Variants in PCDH15 observed in about 807,000 individuals in gnomAD.
The protein encoded by PCDH15 is protocadherin related 15, also known as protocadherin-15.
PCDH15 carries 129 observed loss-of-function variants against 178.5 expected under a neutral mutation model. The observed-to-expected ratio is 0.72, with a 90% confidence interval of 0.63 to 0.84. PCDH15 has a LOEUF of 0.84. PCDH15 is among the 40% of genes least tolerant of loss of function. The pLI is 0.00. For missense variants in PCDH15, 2,230 were observed against 2,099.9 expected (o/e 1.06, Z -1.21); for synonymous variants, 800 against 732.0 (o/e 1.09, Z -1.50).
At chr10:53,823,437 C>A (rs764907011) in intron 32 of PCDH15, 2 of 1,300,758 alleles carry the variant, frequency 1.5e-6, no homozygotes, top group Non-Finnish European at 1.1e-6. Context: ...TTTTATGGCT[C>A]TCATTACTAT....
intron 2 of PCDH15, among the ~76,000 whole-genome samples, chr10:55,090,770 T>C (rs1842297602): frequency 6.6e-6 from 1 of 152,118 alleles, no homozygotes; most frequent in African/African-American, 2.4e-5. Context: ...GTTATTTCTA[T>C]ATACTGCAGG....
chr10:54,112,407 G>A (rs1457891168), intron 15 of PCDH15, among the ~76,000 whole-genome samples: 2 of 151,960 alleles, frequency 1.3e-5, no homozygotes, highest in Admixed American at 6.6e-5. Context: ...TCCAGGTGGG[G>A]GGTGGGGGCA....
intron 1 of PCDH15, among the ~76,000 whole-genome samples, chr10:55,216,285 A>C (rs1264571052): frequency 6.6e-6 from 1 of 151,946 alleles, no homozygotes; most frequent in African/African-American, 2.4e-5. Flanking sequence ...ACTTAGGAAA[A>C]GTTTCCTAGT....
At chr10:53,884,196 G>A (rs565486739) in intron 26 of PCDH15, among the ~76,000 whole-genome samples, 2 of 152,266 alleles carry the variant, frequency 1.3e-5, no homozygotes, top group East Asian at 3.9e-4. Context: ...CTACTGGGGC[G>A]ATTAAATGCA....
intron 26 of PCDH15, among the ~76,000 whole-genome samples, chr10:53,884,949 G>A (rs1007735954): frequency 6.6e-6 from 1 of 152,062 alleles, no homozygotes; most frequent in Non-Finnish European, 1.5e-5. Context: ...CTCTCAGGAG[G>A]TGGCAGAAAA....
chr10:53,818,730 G>GTTAT (rs2132449692), intron 33 of PCDH15, among the ~76,000 whole-genome samples: 1 of 152,144 alleles, frequency 6.6e-6, no homozygotes, highest in East Asian at 1.9e-4. Flanking sequence ...TGTTCTATGT[G>GTTAT]TTATTTTTTA....
chr10:55,621,402 A>G (rs1042137105), intron 2 of PCDH15, among the ~76,000 whole-genome samples: 2 of 152,180 alleles, frequency 1.3e-5, no homozygotes, highest in African/African-American at 2.4e-5. Flanking sequence ...ACCCCAGAGC[A>G]GGGGTCCCCC....
At chr10:55,040,329 T>C (rs945820603) in intron 2 of PCDH15, among the ~76,000 whole-genome samples, 1 of 151,994 alleles carries the variant, frequency 6.6e-6, no homozygotes, top group Non-Finnish European at 1.5e-5. Context: ...GAAAGAATGG[T>C]GGGCACTCTC....
chr10:54,334,083 G>A (rs973799931), intron 6 of PCDH15, among the ~76,000 whole-genome samples: 2 of 152,034 alleles, frequency 1.3e-5, no homozygotes, highest in Non-Finnish European at 2.9e-5. Flanking sequence ...CTGACTACCT[G>A]CACTGTATTA....
At chr10:55,436,706 C>G (rs188397186) in intron 2 of PCDH15, among the ~76,000 whole-genome samples, 7 of 151,860 alleles carry the variant, frequency 4.6e-5, no homozygotes, top group African/African-American at 7.3e-5. Context: ...TGCAAATTTG[C>G]GTAAAGAGAA....
chr10:54,556,136 T>C (rs143077240), intron 2 of PCDH15, among the ~76,000 whole-genome samples: 2 of 152,352 alleles, frequency 1.3e-5, no homozygotes, highest in East Asian at 1.9e-4. Context: ...CCTGTTTTCC[T>C]GTGGTGCCAA....
At chr10:55,450,098 G>A (rs181359576) in intron 2 of PCDH15, among the ~76,000 whole-genome samples, 1 of 152,240 alleles carries the variant, frequency 6.6e-6, no homozygotes, top group East Asian at 1.9e-4. Flanking sequence ...ATATGCAATA[G>A]TGTTCTATAA....
chr10:54,920,791 G>A (rs1042863960), intron 2 of PCDH15, among the ~76,000 whole-genome samples: 6 of 152,110 alleles, frequency 3.9e-5, no homozygotes, highest in African/African-American at 1.4e-4. Context: ...AGTTGTACCA[G>A]AATGGAATAT....
chr10:54,754,030 G>A (rs1017777395), intron 1 of PCDH15, among the ~76,000 whole-genome samples: 2 of 149,934 alleles, frequency 1.3e-5, no homozygotes, highest in Non-Finnish European at 3.0e-5. Context: ...GGGTTTCACC[G>A]TGTTAGCCAG....
At chr10:55,327,801 G>A (rs1356139151) in intron 2 of PCDH15, among the ~76,000 whole-genome samples, 2 of 151,858 alleles carry the variant, frequency 1.3e-5, no homozygotes, top group Non-Finnish European at 2.9e-5. Flanking sequence ...TGAATACTAC[G>A]CTAAAAATAG....
chr10:54,706,449 A>G (rs1160636901), intron 1 of PCDH15, among the ~76,000 whole-genome samples: 2 of 152,158 alleles, frequency 1.3e-5, no homozygotes, highest in Non-Finnish European at 2.9e-5. Context: ...AAGAAATATG[A>G]CATGCAGAGA....
At chr10:55,507,656 T>A (rs1840788707) in intron 2 of PCDH15, among the ~76,000 whole-genome samples, 2 of 151,508 alleles carry the variant, frequency 1.3e-5, no homozygotes, top group Admixed American at 6.6e-5. Flanking sequence ...TCATATAGCA[T>A]AATTGGGAAA....
intron 1 of PCDH15, among the ~76,000 whole-genome samples, chr10:55,288,870 G>GAT (rs143549237): frequency 0.035 from 5,094 of 146,056 alleles, 130 homozygotes; most frequent in African/African-American, 0.061. Context: ...AATTCTATTA[G>GAT]ATATATATAT....
At chr10:54,820,695 T>C (rs375533179) in intron 3 of PCDH15, among the ~76,000 whole-genome samples, 47 of 152,196 alleles carry the variant, frequency 3.1e-4, no homozygotes, top group African/African-American at 1.0e-3. Flanking sequence ...TTAAAGAAAC[T>C]ATAGTTTGCT....
Sources: allele counts gnomAD v4.1 joint callset (sites outside exome capture counted in the v4.1 genomes callset), GRCh38; gene constraint gnomAD v4.1.1; transcripts MANE v1.5; gene names NCBI Gene and HGNC (gene_info 2026-07-23, HGNC 2026-07-21).